Variants in TSGA10IP observed in about 807,000 individuals in gnomAD.
TSGA10IP encodes the protein testis specific 10 interacting protein, also known as testis-specific protein 10-interacting protein.
TSGA10IP carries 64 observed loss-of-function variants against 63.2 expected under a neutral mutation model. The ratio of observed to expected loss-of-function variants is 1.01; its 90% CI spans 0.83 to 1.25. The LOEUF is 1.25. TSGA10IP is among the 50% of genes most tolerant of loss of function. TSGA10IP has a pLI of 0.00. For synonymous variants in TSGA10IP, 316 were observed against 298.3 expected (o/e 1.06, Z -0.61); for missense variants, 681 against 710.1 (o/e 0.96, Z 0.47).
At chr11:65,946,636 T>C (rs191305680) in intron 1 of TSGA10IP, among the ~76,000 whole-genome samples, 13 of 152,176 alleles carry the variant, frequency 8.5e-5, no homozygotes, top group African/African-American at 2.9e-4. Flanking sequence ...GGTTTCGCCA[T>C]GTTGGCCAGG....
Position 65,947,994 on chromosome 11 carries a change from T to C in TSGA10IP, c.1004-7T>C. ...GGCAGCCCCTGACTTGGTCCCACTG[T>C]GGGCAGGCCCCCAAAAGCTGCCCTG... On this transcript the variant is annotated splice_polypyrimidine_tract_variant and splice_region_variant and intron_variant, in intron 3 of 7. Transcript: ENST00000532620. The C allele has an allele frequency of 6.4e-7, 1 of 1,556,720 alleles. No homozygotes were observed. Among genetic ancestry groups the C allele is most frequent in the Non-Finnish European group, 8.7e-7 (1 of 1,150,078 alleles).
chr11:65,945,573 C>T, exon 1 of TSGA10IP: 1 of 1,370,398 alleles, frequency 7.3e-7, no homozygotes, highest in Admixed American at 2.1e-5. Context: ...CTGACCCCTT[C>T]CTAGCATGCT....
rs1047513166 is a variant in TSGA10IP, at chr11:65,958,957, C to T, written c.1397C>T (p.Pro466Leu). ...ATCCAGCACAGGGTGCAGGCCCGGC[C>T]CTTCCTGTTCCAGCAGGCTATGCAG... Residue 466 changes from proline to leucine, a missense_variant, in exon 6 of 8, where the codon CCC becomes CTC. Pro to Leu is a moderately conservative substitution (Grantham distance 98). Coordinates refer to ENST00000532620, the Ensembl canonical transcript of TSGA10IP. The T allele has an allele frequency of 3.1e-6, 5 of 1,613,132 alleles. No homozygotes were observed. In the African/African-American group the frequency reaches 4.0e-5, roughly 13 times the overall value.
At chr11:65,950,954 T>C (rs1854932598) in intron 4 of TSGA10IP, among the ~76,000 whole-genome samples, 1 of 152,224 alleles carries the variant, frequency 6.6e-6, no homozygotes, top group East Asian at 1.9e-4. Context: ...GATTATATGG[T>C]ATTTGTTTTC....
At chr11:65,949,710 C>G (rs1591113898) in intron 4 of TSGA10IP, among the ~76,000 whole-genome samples, 1 of 151,838 alleles carries the variant, frequency 6.6e-6, no homozygotes, top group Admixed American at 6.6e-5. Context: ...CCACTGCGCC[C>G]AGCCACAATT....
chr11:65,957,117 C>T (rs1855037655), intron 5 of TSGA10IP, among the ~76,000 whole-genome samples: 1 of 152,136 alleles, frequency 6.6e-6, no homozygotes, highest in South Asian at 2.1e-4. Context: ...ACGGGGCTGA[C>T]ACCCATAGGC....
chr11:65,958,894 G>C, exon 6 of TSGA10IP: 1 of 1,612,772 alleles, frequency 6.2e-7, no homozygotes, highest in Non-Finnish European at 8.5e-7. Context: ...CGCCAGGAGC[G>C]ACAGCGCTTT....
At chr11:65,952,971 T>G (rs1048095296) in intron 4 of TSGA10IP, among the ~76,000 whole-genome samples, 1 of 152,158 alleles carries the variant, frequency 6.6e-6, no homozygotes, top group Non-Finnish European at 1.5e-5. Context: ...TTGGATAATA[T>G]GGACATTTTA....
In TSGA10IP at chr11:65,947,468, G is replaced by T. The variant is rs568806221; in HGVS notation, c.643G>T (p.Val215Phe). The T allele has an allele frequency of 1.9e-5, 31 of 1,613,504 alleles. No individual in the cohort carries two copies. In the East Asian group the frequency reaches 6.0e-4, roughly 31 times the overall value. The change falls in exon 3 of 8, where the codon GTC (valine) becomes TTC (phenylalanine). Residue 215 changes from valine to phenylalanine, a missense_variant. Val to Phe is a conservative substitution (Grantham distance 50, BLOSUM62 -1). Transcript: ENST00000532620. ...ATCAGGATCGGCGTCCGACAAGCAG[G>T]TCCAGCTGCAAAGCCTGGGTGCTGA...
chr11:65,949,606 G>A (rs901083627), intron 4 of TSGA10IP, among the ~76,000 whole-genome samples: 20 of 151,954 alleles, frequency 1.3e-4, no homozygotes, highest in Admixed American at 1.0e-3. Context: ...TAGTACAGAC[G>A]GGGTTTTACT....
intron 4 of TSGA10IP, among the ~76,000 whole-genome samples, chr11:65,948,673 T>G (rs1268001230): frequency 6.6e-6 from 1 of 151,866 alleles, no homozygotes; most frequent in Non-Finnish European, 1.5e-5. Flanking sequence ...AGACACTGTC[T>G]CTAAAAAAGA....
exon 4 of TSGA10IP, chr11:65,948,091 C>T (rs375846484): frequency 1.9e-6 from 3 of 1,596,418 alleles, no homozygotes; most frequent in Non-Finnish European, 2.6e-6. Flanking sequence ...TACGATGAAA[C>T]TTTCGTGTCT....
chr11:65,947,548 G>A (rs1351151536), exon 3 of TSGA10IP: 13 of 1,613,772 alleles, frequency 8.1e-6, no homozygotes, highest in Non-Finnish European at 1.1e-5. Context: ...CCAGGAGGGG[G>A]TCGATCTCAG....
chr11:65,951,406 T>C (rs1428587758), intron 4 of TSGA10IP, among the ~76,000 whole-genome samples: 1 of 151,928 alleles, frequency 6.6e-6, no homozygotes, highest in African/African-American at 2.4e-5. Context: ...AGGCGTGAGG[T>C]GATATCTTAT....
At chr11:65,946,406 G>T (rs911844704) in intron 1 of TSGA10IP, among the ~76,000 whole-genome samples, 1 of 151,996 alleles carries the variant, frequency 6.6e-6, no homozygotes, top group African/African-American at 2.4e-5. Context: ...TATGCAGAAC[G>T]GAGGTGGTGC....
At chr11:65,959,458 A>C (rs558886879) in intron 7 of TSGA10IP, 144 bp downstream of exon 7, 1 of 1,308,508 alleles carries the variant, frequency 7.6e-7, no homozygotes, top group South Asian at 1.5e-5. Flanking sequence ...TGTCATTCCT[A>C]CTTCTCAATG....
At chr11:65,959,098 C>T in intron 6 of TSGA10IP, 92 bp from the exon 7 acceptor site, 3 of 1,564,570 alleles carry the variant, frequency 1.9e-6, no homozygotes, top group Non-Finnish European at 2.6e-6. Context: ...CTGCTGCCCT[C>T]TGGAATCCCT....
chr11:65,945,634 C>A (rs545463860), exon 1 of TSGA10IP: 3 of 1,598,474 alleles, frequency 1.9e-6, no homozygotes, highest in East Asian at 4.5e-5. Flanking sequence ...ATAGAGATGG[C>A]CTGTTAGGCA....
chr11:65,953,383 A>G (rs1854971541), intron 4 of TSGA10IP, among the ~76,000 whole-genome samples, 184 bp from the exon 5 acceptor site: 1 of 152,154 alleles, frequency 6.6e-6, no homozygotes, highest in South Asian at 2.1e-4. Context: ...GCTGGGACCG[A>G]GGGCTGAGCC....
Sources: allele counts gnomAD v4.1 joint callset (sites outside exome capture counted in the v4.1 genomes callset), GRCh38; gene constraint gnomAD v4.1.1; transcripts MANE v1.5; gene names NCBI Gene and HGNC (gene_info 2026-07-23, HGNC 2026-07-21).